The following CDH13 variants were observed in gnomAD, a reference collection of about 807,000 sequenced individuals.
The protein encoded by CDH13 is cadherin 13, also known as cadherin-13.
A neutral mutation model predicts 63.8 loss-of-function variants in CDH13; 24 were observed. The observed-to-expected ratio is 0.38, with a 90% CI of 0.27 to 0.53. The LOEUF (loss-of-function observed/expected upper bound fraction) is 0.53, where lower values mean the gene tolerates loss of function less well. CDH13 is among the 20% of genes least tolerant of loss of function. The pLI, the probability that CDH13 is intolerant of heterozygous loss-of-function variation, is 0.85. For synonymous variants in CDH13, 503 were observed against 355.3 expected, an observed-to-expected ratio of 1.42 and a Z score of -4.67; for missense variants, 1,049 against 903.1, an observed-to-expected ratio of 1.16 and a Z score of -2.07.
intron 7 of CDH13, among the ~76,000 whole-genome samples, chr16:83,491,540 C>A (rs1028678422): frequency 6.6e-6 from 1 of 150,938 alleles, no homozygotes; most frequent in Non-Finnish European, 1.5e-5. Flanking sequence ...CCACAATTTG[C>A]AACTACTCAG....
At chr16:83,334,361 T>TCTCTCTCACACACA (rs1272779883) in intron 5 of CDH13, among the ~76,000 whole-genome samples, 104 of 85,616 alleles carry the variant, frequency 1.2e-3, no homozygotes, top group African/African-American at 4.9e-3. Flanking sequence ...TCTCTCTCTC[T>TCTCTCTCACACACA]CACACACACA....
At chr16:83,791,617 C>G (rs1204971644) in intron 13 of CDH13, among the ~76,000 whole-genome samples, 1 of 151,904 alleles carries the variant, frequency 6.6e-6, no homozygotes, top group African/African-American at 2.4e-5. Flanking sequence ...TCAAGATCAG[C>G]CTGACCAACG....
Position 82,644,656 on chromosome 16 carries a change from G to T in CDH13, c.45+17519G>T, listed in dbSNP as rs1420279698. 6.6e-6 allele frequency among the ~76,000 whole-genome samples: 1 copy of T among 152,140 alleles called. No individual in the cohort carries two copies. The highest frequency in any genetic ancestry group is 6.5e-5 in the Admixed American group (1 of 15,278). ...TGTAAAAGCAACCACGCTTTGGGCT[G>T]GGGCAGAAGTCAGGACTTGAACTGG... On this transcript the variant is annotated intron_variant, in intron 1 of 13. Transcript: ENST00000567109. The surrounding 1 kb of genome is among the most constrained non-coding windows in gnomAD (Gnocchi z 5.7).
chr16:82,817,466 C>T (rs753035722), intron 1 of CDH13, among the ~76,000 whole-genome samples: 1 of 152,134 alleles, frequency 6.6e-6, no homozygotes, highest in African/African-American at 2.4e-5. Flanking sequence ...TACTCTCATA[C>T]ACACAGAAAT....
chr16:82,891,020 T>G (rs569859617), intron 2 of CDH13, among the ~76,000 whole-genome samples: 2 of 148,004 alleles, frequency 1.4e-5, no homozygotes, highest in Non-Finnish European at 3.0e-5. Flanking sequence ...GACTAGGACA[T>G]TAAGTCATAG....
rs559365367 is a variant in CDH13, at chr16:82,732,258, C to T, written c.45+105121C>T. Reference sequence around the variant, plus strand: ...TTGAAATATTATGTTTGTAGCTGAACTGAATTGTGATTTAAAAAAAAATAG... The same window carrying T: ...TTGAAATATTATGTTTGTAGCTGAATTGAATTGTGATTTAAAAAAAAATAG... On this transcript the variant is annotated intron_variant, in intron 1 of 13. Transcript: ENST00000567109. Among the ~76,000 whole-genome samples the T allele has an allele frequency of 5.3e-5, 8 of 152,116 alleles. No homozygotes were observed. In the East Asian group the frequency reaches 1.5e-3, roughly 29 times the overall value.
intron 8 of CDH13, among the ~76,000 whole-genome samples, chr16:83,646,712 A>AAAAAAAAAAACACACAC (rs1168012793): frequency 1.2e-5 from 1 of 80,524 alleles, no homozygotes; most frequent in Non-Finnish European, 2.4e-5. Flanking sequence ...AAAAAAAAAA[A>AAAAAAAAAAACACACAC]ACACACACAC....
At chr16:82,930,914 T>C (rs2042470493) in intron 2 of CDH13, among the ~76,000 whole-genome samples, 1 of 152,210 alleles carries the variant, frequency 6.6e-6, no homozygotes, top group Non-Finnish European at 1.5e-5. Flanking sequence ...AAAACTTGCT[T>C]TTACCTGCAG....
intron 4 of CDH13, among the ~76,000 whole-genome samples, chr16:83,171,165 A>G (rs2037899769): frequency 6.6e-6 from 1 of 152,108 alleles, no homozygotes; most frequent in African/African-American, 2.4e-5. Context: ...ACTTATAGTC[A>G]TGGTGGAAGG....
intron 1 of CDH13, among the ~76,000 whole-genome samples, chr16:82,651,721 T>C (rs910916776): frequency 1.3e-5 from 2 of 152,236 alleles, no homozygotes; most frequent in Non-Finnish European, 2.9e-5. Context: ...CTGGGGCTTA[T>C]ACCTTCCCAT....
At chr16:83,737,726 C>A (rs539549994) in intron 10 of CDH13, among the ~76,000 whole-genome samples, 1 of 152,316 alleles carries the variant, frequency 6.6e-6, no homozygotes, top group African/African-American at 2.4e-5. Flanking sequence ...ATCAACAGCC[C>A]TGATCATTCT....
At chr16:83,605,316 A>C (rs1908222298) in intron 8 of CDH13, among the ~76,000 whole-genome samples, 1 of 152,182 alleles carries the variant, frequency 6.6e-6, no homozygotes, top group Non-Finnish European at 1.5e-5. Context: ...AATGTTTGAT[A>C]ATTTAAATTC....
chr16:82,697,523 G>A (rs150439611), intron 1 of CDH13, among the ~76,000 whole-genome samples: 3,320 of 148,030 alleles, frequency 0.022, 70 homozygotes, highest in Middle Eastern at 0.049. Context: ...TCTGCCTCCG[G>A]GTTCAAGCAA....
At chr16:83,357,684 G>A (rs775598161) in intron 6 of CDH13, among the ~76,000 whole-genome samples, 3 of 152,130 alleles carry the variant, frequency 2.0e-5, no homozygotes, top group Non-Finnish European at 4.4e-5. Flanking sequence ...TGCATAGAAC[G>A]GCCTCCACAG....
intron 7 of CDH13, among the ~76,000 whole-genome samples, chr16:83,595,014 G>A (rs964352798): frequency 2.0e-5 from 3 of 152,118 alleles, no homozygotes; most frequent in African/African-American, 4.8e-5. Flanking sequence ...GTAGCTAGTT[G>A]ACACCCAGGA....
intron 7 of CDH13, among the ~76,000 whole-genome samples, chr16:83,572,993 C>G (rs542218776): frequency 1.3e-3 from 200 of 152,264 alleles, no homozygotes; most frequent in African/African-American, 4.5e-3. Context: ...AGTGATGAAG[C>G]TCTCTTTTTA....
chr16:83,079,920 T>C (rs1005471417), intron 3 of CDH13, among the ~76,000 whole-genome samples: 2 of 152,254 alleles, frequency 1.3e-5, no homozygotes, highest in African/African-American at 2.4e-5. Flanking sequence ...CTAATGCTGA[T>C]AGACAATGTC....
At chr16:83,513,004 C>T (rs562306259) in intron 7 of CDH13, among the ~76,000 whole-genome samples, 1 of 140,366 alleles carries the variant, frequency 7.1e-6, no homozygotes, top group Non-Finnish European at 1.5e-5. Flanking sequence ...AAGTATTTCG[C>T]AGATTGGGAA....
chr16:82,775,190 G>C (rs1178790343), intron 1 of CDH13, among the ~76,000 whole-genome samples: 3 of 152,156 alleles, frequency 2.0e-5, no homozygotes, highest in Admixed American at 2.0e-4. Flanking sequence ...TTGTGATAGA[G>C]TGAATAGATA....
Sources: gnomAD v4.1 joint callset for allele counts (sites outside exome capture counted in the v4.1 genomes callset) on GRCh38, gnomAD v4.1.1 for gene constraint, Gnocchi (gnomAD v3.1) non-coding constraint, MANE v1.5 for transcripts, NCBI Gene and HGNC (gene_info 2026-07-23, HGNC 2026-07-21) for gene names.